The following ZNF417 variants were observed in gnomAD, a reference collection of about 807,000 sequenced individuals.
ZNF417 encodes zinc finger protein 417.
In ZNF417, 5 loss-of-function variants were observed where a neutral mutation model predicts 7.4. The ratio of observed to expected loss-of-function variants is 0.68; its 90% confidence interval spans 0.35 to 1.43. The LOEUF (loss-of-function observed/expected upper bound fraction) is 1.43, where lower values mean the gene tolerates loss of function less well. ZNF417 is among the 40% of genes most tolerant of loss of function. The probability of loss-of-function intolerance (pLI) is 0.04; values close to 1 mark genes in which losing one functional copy is unlikely to be tolerated. For missense variants in ZNF417, 437 were observed against 697.3 expected, an observed-to-expected ratio of 0.63 and a Z score of 4.20; for synonymous variants, 147 against 239.1, an observed-to-expected ratio of 0.61 and a Z score of 3.55.
intron 1 of ZNF417, chr19:57,915,559 T>C: frequency 4.7e-6 from 2 of 421,198 alleles, no homozygotes; most frequent in East Asian, 5.7e-5. Flanking sequence ...GTGAAAGAAA[T>C]CAGACCTTAC....
chr19:57,905,996 T>C lies in ZNF417; in HGVS notation c.*2554A>G, dbSNP rs2071822567. Among the ~76,000 whole-genome samples, 1 of 152,196 alleles carries C rather than the reference T, an allele frequency of 6.6e-6. No individual in the cohort carries two copies. Among genetic ancestry groups the C allele is most frequent in the Non-Finnish European group, 1.5e-5 (1 of 68,044 alleles). On this transcript the variant is annotated 3_prime_UTR_variant, in exon 3 of 3. Coordinates refer to ENST00000312026, the MANE Select transcript of ZNF417 (RefSeq NM_152475.3). ...TTTTGTTTTTTTTGAGGCAGGGCCT[T>C]GCTCTTTTGCCCAGGCTAGAGTGCA...
chr19:57,913,687 T>A (rs1396721789), intron 1 of ZNF417, among the ~76,000 whole-genome samples: 2 of 152,196 alleles, frequency 1.3e-5, no homozygotes, highest in South Asian at 4.1e-4. Flanking sequence ...ATCTCATCTA[T>A]TCTCTCCTCG....
chr19:57,914,115 T>C (rs1241546237), intron 1 of ZNF417, among the ~76,000 whole-genome samples: 3 of 152,154 alleles, frequency 2.0e-5, no homozygotes, highest in Non-Finnish European at 2.9e-5. Context: ...GCAGCGTCCA[T>C]GGTTACAGCT....
Position 57,908,681 on chromosome 19 carries a change from A to G in ZNF417, c.1597T>C (p.Ser533Pro), listed in dbSNP as rs1469856439. ...SECGKSFAEC[S>P]SLIKHRRIHT... The stretch of plus-strand genomic sequence containing the variant: ...ATTCTCCTGTGTTTAATGAGACTGG[A>G]ACATTCAGCAAAGGATTTTCCACAT... The change falls in exon 3 of 3, where the codon TCC becomes CCC. Residue 533 changes from serine (S) to proline (P), a missense_variant. Coordinates refer to ENST00000312026, the MANE Select transcript of ZNF417 (RefSeq NM_152475.3). The G allele has an allele frequency of 1.2e-6, 2 of 1,614,032 alleles. No homozygotes were observed. Among genetic ancestry groups the G allele is most frequent in the African/African-American group, 1.3e-5 (1 of 74,986 alleles).
rs1271834609 is a variant in ZNF417, at chr19:57,907,734, A to T, written c.*816T>A. ...ATGGGCATGTGGCCCCTGAAAAAAG[A>T]TTCTGGATTCCATAATCTCACCTTG... On this transcript the variant is annotated 3_prime_UTR_variant, in exon 3 of 3. Transcript: ENST00000312026. 2 of 138,708 alleles carry T rather than the reference A, an allele frequency of 1.4e-5. No homozygotes were observed. Among genetic ancestry groups the T allele is most frequent in the Non-Finnish European group, 3.4e-5 (2 of 58,350 alleles). The allele number at this position is 138,708 out of a possible 1,614,324, so 8.6% of individuals were successfully genotyped here. A position where few individuals can be genotyped will look rare whatever the true frequency, so the allele number is the denominator to read the frequency against.
chr19:57,914,665 T>TGCAC (rs1197506599), intron 1 of ZNF417, among the ~76,000 whole-genome samples: 3 of 152,180 alleles, frequency 2.0e-5, no homozygotes, highest in Non-Finnish European at 4.4e-5. Context: ...CCATAGTGTG[T>TGCAC]GCACCAAGGT....
In ZNF417 at chr19:57,912,063, G is replaced by C; in HGVS notation, c.160C>G (p.Leu54Val). ...MLENLALISS[L>V]GCWCGSKDEE... is the part of the protein sequence containing the mutation. ...AAGGTGAGCGTGAGCAACTTACCCA[G>C]CGAGGATATGAGAGCCAGGTTCTCT... Residue 54 changes from leucine (L) to valine (V), a missense_variant, in exon 2 of 3, where the codon CTG (leucine) becomes GTG (valine). Physicochemically the swap from Leu to Val is conservative, Grantham distance 32 (BLOSUM62 1). Transcript: ENST00000312026. The C allele has an allele frequency of 5.1e-6, 8 of 1,572,374 alleles. No individual in the cohort carries two copies. Among genetic ancestry groups the C allele is most frequent in the Non-Finnish European group, 6.9e-6 (8 of 1,158,060 alleles).
In ZNF417 at chr19:57,908,948, A is replaced by G; in HGVS notation, c.1330T>C (p.Leu444=). ...AGAAGATGATACTTCCTGTTAAATA[A>G]TTTCCCACATTCCCTACAATTGTAA... is the stretch of plus-strand genomic sequence containing the variant. ...RPYNCRECGK[L]FNRKYHLLVH... is the part of the protein sequence containing the mutation. The change falls in exon 3 of 3, where the codon TTA becomes CTA. Residue 444 remains leucine (L), a synonymous_variant. Transcript: ENST00000312026. 1 of 1,613,990 alleles carries G rather than the reference A, an allele frequency of 6.2e-7. No individual in the cohort carries two copies. Among genetic ancestry groups the G allele is most frequent in the South Asian group, 1.1e-5 (1 of 91,078 alleles).
intron 1 of ZNF417, among the ~76,000 whole-genome samples, chr19:57,912,719 G>A (rs891588705): frequency 3.3e-5 from 5 of 151,730 alleles, no homozygotes; most frequent in South Asian, 2.1e-4. Flanking sequence ...AGTGATTCTC[G>A]TGCCTCAGCC....
At chr19:57,915,446 C>T (rs2071939200) in intron 1 of ZNF417, 3 of 458,644 alleles carry the variant, frequency 6.5e-6, no homozygotes, top group East Asian at 6.2e-5. Context: ...CAGGCCATTG[C>T]CTGCGCCCCT....
chr19:57,909,670 G>C lies in ZNF417; in HGVS notation c.608C>G (p.Pro203Arg), dbSNP rs2071878873. Reference sequence around the variant, plus strand: ...ATTAGTTTTTCCCTCCTGAAAGGGTGGGCCATGCATAGTTTCACTGTCTGT... The same window carrying C: ...ATTAGTTTTTCCCTCCTGAAAGGGTCGGCCATGCATAGTTTCACTGTCTGT... ...EKTDSETMHG[P>R]PFQEGKTNYS... The change falls in exon 3 of 3, where the codon CCA becomes CGA. Residue 203 changes from proline (P) to arginine (R), a missense_variant. By Grantham distance (103) the Pro-to-Arg change is moderately radical. Around this residue, in one of 5 missense-constraint regions of ZNF417, gnomAD observed 60 missense variants for 266.0 expected, o/e 0.23. Coordinates refer to ENST00000312026, the MANE Select transcript of ZNF417 (RefSeq NM_152475.3). 6.4e-7 allele frequency: 1 copy of C among 1,559,440 alleles called. No homozygotes were observed. Among genetic ancestry groups the C allele is most frequent in the African/African-American group, 1.5e-5 (1 of 65,242 alleles).
Position 57,909,276 on chromosome 19 carries a change from A to G in ZNF417, c.1002T>C (p.Gly334=), listed in dbSNP as rs771388238. 6.2e-7 allele frequency: 1 copy of G among 1,614,114 alleles called. No homozygotes were observed. Among genetic ancestry groups the G allele is most frequent in the East Asian group, 2.2e-5 (1 of 44,858 alleles). The change falls in exon 3 of 3, where the codon GGT becomes GGC. Residue 334 remains glycine (G), a synonymous_variant. Transcript: ENST00000312026. The stretch of plus-strand genomic sequence containing the variant: ...GATGTTGAATGAGGTTACCCTTTTG[A>G]CCAAAAGATTTCCCATATTCTCTAC... The part of the protein sequence containing the change: ...YECREYGKSF[G]QKGNLIQHQQ...
chr19:57,912,084 T>A lies in ZNF417; in HGVS notation c.139A>T (p.Asn47Tyr), dbSNP rs1568529855. ...CCCAGCGAGGATATGAGAGCCAGGT[T>A]CTCTAGCATCACATCACGGTACAAG... is the stretch of plus-strand genomic sequence containing the variant. Reference protein sequence around the residue: ...RCLYRDVMLENLALISSLGCW... With the variant: ...RCLYRDVMLEYLALISSLGCW... Residue 47 changes from asparagine (N) to tyrosine (Y), a missense_variant, in exon 2 of 3, where the codon AAC becomes TAC. Asn to Tyr is a moderately radical substitution (Grantham distance 143, BLOSUM62 -2). Transcript: ENST00000312026. The A allele has an allele frequency of 6.3e-7, 1 of 1,595,488 alleles. No individual in the cohort carries two copies. The highest frequency in any genetic ancestry group is 8.6e-7 in the Non-Finnish European group (1 of 1,168,448).
rs138075727 is a variant in ZNF417 at position 57,913,393 on chromosome 19, A to T, written c.34-1204T>A. Among the ~76,000 whole-genome samples, 411 of 152,274 alleles carry T rather than the reference A, an allele frequency of 2.7e-3. 2 individuals carry two copies. The highest frequency in any genetic ancestry group is 9.3e-3 in the African/African-American group (385 of 41,546). ...CTTCAGATATCCATGGACCTATTTC[A>T]CTTTTGTGCTGCACCAGCTGAGACC... On this transcript the variant is annotated intron_variant, in intron 1 of 2. Transcript: ENST00000312026.
At chr19:57,911,887 G>A (rs1195756340) in intron 2 of ZNF417, among the ~76,000 whole-genome samples, 173 bp downstream of exon 2, 2 of 152,312 alleles carry the variant, frequency 1.3e-5, no homozygotes, top group African/African-American at 4.8e-5. Flanking sequence ...CTGGAGCAAA[G>A]CAGGTGTTGG....
At chr19:57,915,694 C>T (rs1568531108) in intron 1 of ZNF417, 1 of 398,042 alleles carries the variant, frequency 2.5e-6, no homozygotes, top group African/African-American at 2.1e-5. Flanking sequence ...TAGCCCTTTC[C>T]TGAAAAGACC....
Position 57,908,495 on chromosome 19 carries a change from C to T in ZNF417, c.*55G>A. The T allele has an allele frequency of 6.2e-7, 1 of 1,611,090 alleles. No individual in the cohort carries two copies. Among genetic ancestry groups the T allele is most frequent in the East Asian group, 2.2e-5 (1 of 44,872 alleles). ...AAGGCCTTTCTCCAGTATGAACTCTCCTGTGTTTAATGAGACGGGATGTTT... is the reference window on the plus strand; with the variant it reads ...AAGGCCTTTCTCCAGTATGAACTCTTCTGTGTTTAATGAGACGGGATGTTT... On this transcript the variant is annotated 3_prime_UTR_variant, in exon 3 of 3. Transcript: ENST00000312026.
intron 1 of ZNF417, among the ~76,000 whole-genome samples, chr19:57,915,015 C>T (rs1194391885): frequency 2.6e-5 from 4 of 152,200 alleles, no homozygotes; most frequent in South Asian, 2.1e-4. Flanking sequence ...CTAAGTGCTT[C>T]TGCAGCCAGG....
intron 1 of ZNF417, among the ~76,000 whole-genome samples, 198 bp downstream of exon 1, chr19:57,916,181 C>G (rs778335645): frequency 2.0e-5 from 3 of 152,258 alleles, no homozygotes; most frequent in Non-Finnish European, 4.4e-5. Flanking sequence ...TCTGTCTAGG[C>G]AGCTGGCAAG....
Sources: gnomAD v4.1 joint callset for allele counts (sites outside exome capture counted in the v4.1 genomes callset) on GRCh38, gnomAD v4.1.1 for gene constraint, gnomAD v4.1.1 regional missense constraint, MANE v1.5 for transcripts, NCBI Gene and HGNC (gene_info 2026-07-23, HGNC 2026-07-21) for gene names.